CDKN2AIPNL: variants seen among roughly 807,000 people sequenced by gnomAD.
The protein encoded by CDKN2AIPNL is XRN2 binding domain containing 1.
A neutral mutation model predicts 12.9 loss-of-function variants in CDKN2AIPNL; 9 were observed. The ratio of observed to expected loss-of-function variants is 0.70; its 90% confidence interval spans 0.42 to 1.22. The LOEUF is 1.22. CDKN2AIPNL is among the 50% of genes most tolerant of loss of function. The probability of loss-of-function intolerance (pLI) is 0.00; values close to 1 mark genes in which losing one functional copy is unlikely to be tolerated. For synonymous variants in CDKN2AIPNL, 53 were observed against 61.7 expected, an observed-to-expected ratio of 0.86 and a Z score of 0.66; for missense variants, 143 against 153.6, an observed-to-expected ratio of 0.93 and a Z score of 0.37.
chr5:134,402,950 G>A lies in CDKN2AIPNL; in HGVS notation c.340-24C>T. 3 of 1,598,246 alleles carry A rather than the reference G, an allele frequency of 1.9e-6. No homozygotes were observed. In the South Asian group the frequency reaches 3.3e-5, roughly 18 times the overall value. Reference sequence around the variant, plus strand: ...TGCTGGGAAAAAAAGAAAAGAAAAGGTTACATAACCATGTAGTCCAGTGAA... The same window carrying A: ...TGCTGGGAAAAAAAGAAAAGAAAAGATTACATAACCATGTAGTCCAGTGAA... On this transcript the variant is annotated intron_variant, in intron 2 of 2. Coordinates refer to ENST00000458198, the MANE Select transcript of CDKN2AIPNL (RefSeq NM_080656.3).
At chr5:134,404,462 C>A (rs1759071653) in intron 2 of CDKN2AIPNL, among the ~76,000 whole-genome samples, 1 of 151,824 alleles carries the variant, frequency 6.6e-6, no homozygotes, top group African/African-American at 2.4e-5. Context: ...TAGCTGGGAC[C>A]ACAGGCATGC....
chr5:134,407,256 AACACACACACACACACAC>A (rs5871539), intron 2 of CDKN2AIPNL, among the ~76,000 whole-genome samples: 4 of 139,706 alleles, frequency 2.9e-5, no homozygotes, highest in African/African-American at 8.1e-5. Context: ...GACCCTTCCT[AACACACACACACACACAC>A]ACACACACAC....
chr5:134,403,826 A>G (rs1759063521), intron 2 of CDKN2AIPNL, among the ~76,000 whole-genome samples: 1 of 152,098 alleles, frequency 6.6e-6, no homozygotes, highest in Admixed American at 6.6e-5. Flanking sequence ...GGGTTTCACC[A>G]TTTTGGCCAG....
At chr5:134,407,126 T>C (rs997844680) in intron 2 of CDKN2AIPNL, among the ~76,000 whole-genome samples, 2 of 152,148 alleles carry the variant, frequency 1.3e-5, no homozygotes, top group African/African-American at 4.8e-5. Context: ...GATAATTTCA[T>C]GCCTGAGGAC....
At chr5:134,410,384 C>T (rs1463841125) in intron 1 of CDKN2AIPNL, among the ~76,000 whole-genome samples, 1 of 152,150 alleles carries the variant, frequency 6.6e-6, no homozygotes, top group African/African-American at 2.4e-5. Flanking sequence ...ATCCTCCTCC[C>T]AAAGTGCTAG....
intron 1 of CDKN2AIPNL, among the ~76,000 whole-genome samples, chr5:134,411,369 C>T (rs1468577421): frequency 5.9e-5 from 9 of 152,212 alleles, no homozygotes; most frequent in Non-Finnish European, 1.0e-4. Flanking sequence ...GTATTTAGCT[C>T]TTCACCCTTT....
chr5:134,407,618 T>C (rs1033506868), intron 2 of CDKN2AIPNL, among the ~76,000 whole-genome samples: 1 of 151,002 alleles, frequency 6.6e-6, no homozygotes, highest in Admixed American at 6.6e-5. Context: ...TACTAAAAAA[T>C]ACAAAAAATA....
At chr5:134,408,513 CAAAAAAAAAA>C (rs59056879) in intron 2 of CDKN2AIPNL, among the ~76,000 whole-genome samples, 1 of 112,696 alleles carries the variant, frequency 8.9e-6, no homozygotes, top group Non-Finnish European at 1.8e-5. Flanking sequence ...ACTAAAAATA[CAAAAAAAAAA>C]AAAAAAAAAA....
intron 1 of CDKN2AIPNL, chr5:134,411,088 G>A (rs1214203289): frequency 1.0e-5 from 7 of 702,458 alleles, no homozygotes; most frequent in East Asian, 2.7e-5. Flanking sequence ...GTGGGCTGTG[G>A]AGTGAGGAGA....
At chr5:134,406,271 C>T (rs550547953) in intron 2 of CDKN2AIPNL, among the ~76,000 whole-genome samples, 1 of 152,316 alleles carries the variant, frequency 6.6e-6, no homozygotes, top group South Asian at 2.1e-4. Flanking sequence ...CAATGCCAGG[C>T]AATTTACTTC....
intron 2 of CDKN2AIPNL, among the ~76,000 whole-genome samples, chr5:134,408,244 G>T (rs1759135143): frequency 6.6e-6 from 1 of 151,994 alleles, no homozygotes; most frequent in South Asian, 2.1e-4. Flanking sequence ...CCCTGGCTGG[G>T]CCCCAAGAAC....
At chr5:134,407,256 A>AACAC (rs5871539) in intron 2 of CDKN2AIPNL, among the ~76,000 whole-genome samples, 5,566 of 139,646 alleles carry the variant, frequency 0.04, 143 homozygotes, top group East Asian at 0.13. Context: ...GACCCTTCCT[A>AACAC]ACACACACAC....
chr5:134,409,925 G>A lies in CDKN2AIPNL; in HGVS notation c.317C>T (p.Thr106Ile), dbSNP rs768493554. ...IEVEDLPQFT[T>I]RSELMKKHQS is the part of the protein sequence containing the mutation. ...TACCTTTTTCATTAATTCACTTCTGGTAGTAAATTGTGGCAGGTCTTCCAC... is the reference window on the plus strand; with the variant it reads ...TACCTTTTTCATTAATTCACTTCTGATAGTAAATTGTGGCAGGTCTTCCAC... The change falls in exon 2 of 3, where the codon ACC becomes ATC. Residue 106 changes from threonine (T) to isoleucine (I), a missense_variant. Coordinates refer to ENST00000458198, the MANE Select transcript of CDKN2AIPNL (RefSeq NM_080656.3). 1 of 1,610,498 alleles carries A rather than the reference G, an allele frequency of 6.2e-7. No individual in the cohort carries two copies.
At chr5:134,403,604 T>C (rs759698896) in intron 2 of CDKN2AIPNL, among the ~76,000 whole-genome samples, 1 of 152,226 alleles carries the variant, frequency 6.6e-6, no homozygotes, top group Non-Finnish European at 1.5e-5. Context: ...GTATGACCTA[T>C]TTCCTAGTTA....
At position 134,403,785 on chromosome 5, in the gene CDKN2AIPNL, C is replaced by T. The variant is rs563465751; in HGVS notation, c.340-859G>A. On this transcript the variant is annotated intron_variant, in intron 2 of 2. Transcript: ENST00000458198. ...GATTACAGGTACCTGCCACTGCGCC[C>T]GGCTAATTTTTGTAGTTTTTAGTAG... Among the ~76,000 whole-genome samples the T allele has an allele frequency of 1.3e-4, 20 of 152,244 alleles. No individual in the cohort carries two copies. In the East Asian group the frequency reaches 2.7e-3, roughly 21 times the overall value.
chr5:134,411,068 T>G (rs769432939), intron 1 of CDKN2AIPNL: 4 of 702,416 alleles, frequency 5.7e-6, no homozygotes, highest in Non-Finnish European at 1.0e-5. Context: ...TGGTTCCTAC[T>G]TAGGACCCCG....
In CDKN2AIPNL at chr5:134,402,577, C is replaced by A. The variant is rs964926932; in HGVS notation, c.*338G>T. Reference sequence around the variant, plus strand: ...GAGGCTGCAATGAGCCAATACTGCACCTTTGTGCTTCTGCCTGGGCGACAG... The same window carrying A: ...GAGGCTGCAATGAGCCAATACTGCAACTTTGTGCTTCTGCCTGGGCGACAG... On this transcript the variant is annotated 3_prime_UTR_variant, in exon 3 of 3. Transcript: ENST00000458198. 7.6e-5 allele frequency: 17 copies of A among 223,244 alleles called. No homozygotes were observed. Among genetic ancestry groups the A allele is most frequent in the African/African-American group, 2.7e-4 (12 of 43,976 alleles). The allele number at this position is 223,244 out of a possible 1,614,324, so 13.8% of individuals were successfully genotyped here. A position where few individuals can be genotyped will look rare whatever the true frequency, so the allele number is the denominator to read the frequency against.
rs535373258 is a variant in CDKN2AIPNL, at chr5:134,410,775, G to A, written c.240-773C>T. The A allele has an allele frequency of 3.5e-5, 19 of 535,918 alleles. No homozygotes were observed. In the South Asian group the frequency reaches 4.4e-4, roughly 12 times the overall value. The allele number at this position is 535,918 out of a possible 1,614,324, so 33.2% of individuals were successfully genotyped here. ...CAAAACCAAGTGGCTTAGGCCTGCA[G>A]GGGCCAAATGACCAGAGTCAGGCAG... On this transcript the variant is annotated intron_variant, in intron 1 of 2. Coordinates refer to ENST00000458198, the MANE Select transcript of CDKN2AIPNL (RefSeq NM_080656.3).
chr5:134,411,593 AGCCG>A lies in CDKN2AIPNL; in HGVS notation c.239+19_239+22del, dbSNP rs1309292211. 6 of 1,598,504 alleles carry A rather than the reference AGCCG, an allele frequency of 3.8e-6. No homozygotes were observed. The highest frequency in any genetic ancestry group is 5.1e-6 in the Non-Finnish European group (6 of 1,168,498). The stretch of plus-strand genomic sequence containing the variant: ...GGGTCGGAAGATAGGGGACAGGATC[AGCCG>A]GCCGGCAGGGGTCCGCACCTGCAGC... On this transcript the variant is annotated intron_variant, in intron 1 of 2. Coordinates refer to ENST00000458198, the MANE Select transcript of CDKN2AIPNL (RefSeq NM_080656.3).
Sources: allele counts gnomAD v4.1 joint callset (sites outside exome capture counted in the v4.1 genomes callset), GRCh38; gene constraint gnomAD v4.1.1; transcripts MANE v1.5; gene names NCBI Gene and HGNC (gene_info 2026-07-23, HGNC 2026-07-21).